The following CDH12 variants were observed in gnomAD, a reference collection of about 807,000 sequenced individuals.
CDH12 encodes the protein cadherin-12.
A neutral mutation model predicts 74.1 loss-of-function variants in CDH12; 41 were observed. The observed-to-expected ratio is 0.55, with a 90% CI of 0.43 to 0.72. The LOEUF (loss-of-function observed/expected upper bound fraction) is 0.72. Among genes scored for constraint, CDH12 ranks in the 30% least tolerant of loss-of-function variants. The pLI is 0.00. For missense variants in CDH12, 945 were observed against 977.2 expected (o/e 0.97, Z 0.44); for synonymous variants, 399 against 355.0 (o/e 1.12, Z -1.39).
At chr5:22,074,441 AC>A (rs1314438682) in intron 5 of CDH12, among the ~76,000 whole-genome samples, 1 of 152,208 alleles carries the variant, frequency 6.6e-6, no homozygotes, top group East Asian at 1.9e-4. Context: ...AGCAATGGCA[AC>A]AAAAGACAAA....
At chr5:22,681,492 C>T (rs906508824) in intron 1 of CDH12, among the ~76,000 whole-genome samples, 5 of 151,896 alleles carry the variant, frequency 3.3e-5, no homozygotes, top group African/African-American at 1.2e-4. Flanking sequence ...GGAATAAGGG[C>T]TGCAAGATCG....
At position 22,293,988 on chromosome 5, in the gene CDH12, A is replaced by G. The variant is rs143080925; in HGVS notation, c.-332-81345T>C. Among the ~76,000 whole-genome samples, 169 of 152,300 alleles carry G rather than the reference A, an allele frequency of 1.1e-3. 1 individual carries two copies. Among genetic ancestry groups the G allele is most frequent in the African/African-American group, 3.7e-3 (154 of 41,566 alleles). Reference sequence around the variant, plus strand: ...GATGTAAAGTGTTCTCAGCACAAAAACAATAACTATGTGAGGTAATGCATA... The same window carrying G: ...GATGTAAAGTGTTCTCAGCACAAAAGCAATAACTATGTGAGGTAATGCATA... On this transcript the variant is annotated intron_variant, in intron 3 of 14. Coordinates refer to ENST00000382254, the MANE Select transcript of CDH12 (RefSeq NM_004061.5).
chr5:22,586,837 A>ATTT lies in CDH12; in HGVS notation c.-522-81476_-522-81474dup, dbSNP rs11417237. Among the ~76,000 whole-genome samples the ATTT allele has an allele frequency of 8.6e-3, 905 of 105,324 alleles. 8 individuals carry two copies. The highest frequency in any genetic ancestry group is 0.041 in the East Asian group (141 of 3,474). The allele number at this position is 105,324 out of a possible 152,430, so 69.1% of individuals were successfully genotyped here. ...CCAATGCAACAGAGTTTAGAGGAGG[A>ATTT]TTTTTTTTTTTTTTTTTTTTTTGGA... is the stretch of plus-strand genomic sequence containing the variant. On this transcript the variant is annotated intron_variant, in intron 1 of 14. Coordinates refer to ENST00000382254, the MANE Select transcript of CDH12 (RefSeq NM_004061.5).
At chr5:21,801,991 T>C (rs915430773) in intron 10 of CDH12, among the ~76,000 whole-genome samples, 176 bp downstream of exon 10, 3 of 152,090 alleles carry the variant, frequency 2.0e-5, no homozygotes, top group African/African-American at 7.2e-5. Flanking sequence ...TAATATGTTT[T>C]CCCCCCAATC....
intron 4 of CDH12, among the ~76,000 whole-genome samples, chr5:22,135,298 G>A (rs1344678313): frequency 6.6e-6 from 1 of 150,918 alleles, no homozygotes; most frequent in Non-Finnish European, 1.5e-5. Flanking sequence ...CAAATGATAT[G>A]GTACTGCTGA....
intron 6 of CDH12, among the ~76,000 whole-genome samples, chr5:21,941,844 G>T (rs1043344820): frequency 2.0e-5 from 3 of 151,852 alleles, no homozygotes; most frequent in Non-Finnish European, 4.4e-5. Flanking sequence ...TCATTTGGAA[G>T]AATGTTTTGT....
chr5:21,963,848 C>T (rs1469497608), intron 6 of CDH12, among the ~76,000 whole-genome samples: 3 of 152,190 alleles, frequency 2.0e-5, no homozygotes, highest in South Asian at 2.1e-4. Context: ...TTACTTTTCA[C>T]GTCCACTACA....
chr5:21,869,626 G>C (rs372277280), intron 6 of CDH12, among the ~76,000 whole-genome samples: 2 of 152,140 alleles, frequency 1.3e-5, no homozygotes, highest in Admixed American at 6.6e-5. Context: ...TAGCATTTAA[G>C]TTATGGGACA....
At chr5:22,559,324 A>G (rs1738941166) in intron 1 of CDH12, among the ~76,000 whole-genome samples, 1 of 152,110 alleles carries the variant, frequency 6.6e-6, no homozygotes, top group African/African-American at 2.4e-5. Flanking sequence ...AAAATGGGAA[A>G]GACGGTAATT....
rs189465437 is a variant in CDH12, at chr5:21,861,956, T to C, written c.527-7166A>G. On this transcript the variant is annotated intron_variant, in intron 6 of 14. Coordinates refer to ENST00000382254, the MANE Select transcript of CDH12 (RefSeq NM_004061.5). ...AGCTGCACTCTTTCTTAACCCACTT[T>C]TTTCATGTATTATATCTGTGTCTAT... 6.7e-4 allele frequency among the ~76,000 whole-genome samples: 102 copies of C among 151,760 alleles called. 1 individual carries two copies. Among genetic ancestry groups the C allele is most frequent in the South Asian group, 1.7e-3 (8 of 4,816 alleles).
chr5:22,391,652 G>A (rs997958643), intron 3 of CDH12, among the ~76,000 whole-genome samples: 3 of 151,890 alleles, frequency 2.0e-5, no homozygotes, highest in Admixed American at 1.3e-4. Context: ...CTAAATAACT[G>A]ATTTTTTTTT....
intron 5 of CDH12, among the ~76,000 whole-genome samples, chr5:22,056,836 A>G (rs1298284269): frequency 2.0e-5 from 3 of 152,090 alleles, no homozygotes; most frequent in Non-Finnish European, 4.4e-5. Flanking sequence ...TACTTTACAG[A>G]TGAGGATATT....
intron 1 of CDH12, among the ~76,000 whole-genome samples, chr5:22,716,507 TATA>T (rs995855271): frequency 4.6e-5 from 7 of 152,056 alleles, no homozygotes; most frequent in Admixed American, 2.6e-4. Flanking sequence ...TACAGTTATG[TATA>T]ATAATAATAA....
At chr5:22,460,524 T>A (rs1302288643) in intron 2 of CDH12, among the ~76,000 whole-genome samples, 1 of 152,160 alleles carries the variant, frequency 6.6e-6, no homozygotes, top group Non-Finnish European at 1.5e-5. Context: ...CAAAAATTAC[T>A]CATTATTTAA....
chr5:22,255,157 G>T (rs987485851), intron 3 of CDH12, among the ~76,000 whole-genome samples: 1 of 151,856 alleles, frequency 6.6e-6, no homozygotes. Context: ...TTTTCTGTTT[G>T]CTATTTCTTG....
chr5:22,529,182 T>TAGAGAG lies in CDH12; in HGVS notation c.-522-23819_-522-23818insCTCTCT, dbSNP rs1436893052. Among the ~76,000 whole-genome samples the TAGAGAG allele has an allele frequency of 4.1e-5, 4 of 96,774 alleles. No individual in the cohort carries two copies. The East Asian group carries it at 1.3e-3, about 33-fold the overall frequency. 63.5% of individuals were successfully genotyped at this position (96,774 alleles called of 152,430 possible). ...ACACATGTGTATATATATATATATA[T>TAGAGAG]ATATATAGAGAGAGAGAGAGAGAGA... On this transcript the variant is annotated intron_variant, in intron 1 of 14. Coordinates refer to ENST00000382254, the MANE Select transcript of CDH12 (RefSeq NM_004061.5).
chr5:21,857,917 T>C (rs536628557), intron 6 of CDH12, among the ~76,000 whole-genome samples: 1 of 151,896 alleles, frequency 6.6e-6, no homozygotes, highest in African/African-American at 2.4e-5. Context: ...CTTCTCACTG[T>C]GTTCTCCTAT....
At chr5:22,565,289 T>C (rs982759087) in intron 1 of CDH12, among the ~76,000 whole-genome samples, 2 of 152,188 alleles carry the variant, frequency 1.3e-5, no homozygotes, top group Non-Finnish European at 2.9e-5. Flanking sequence ...GGTCATATGA[T>C]AGTTCTAGGT....
At chr5:21,755,066 T>G (rs1161516023) in intron 14 of CDH12, among the ~76,000 whole-genome samples, 3 of 152,222 alleles carry the variant, frequency 2.0e-5, no homozygotes, top group Non-Finnish European at 4.4e-5. Context: ...GGATGGCAGT[T>G]TAAACAGAAA....
Sources: allele counts gnomAD v4.1 joint callset (sites outside exome capture counted in the v4.1 genomes callset), GRCh38; gene constraint gnomAD v4.1.1; transcripts MANE v1.5; gene names NCBI Gene and HGNC (gene_info 2026-07-23, HGNC 2026-07-21).